Variants in ATRNL1 observed in about 807,000 individuals in gnomAD.
The protein encoded by ATRNL1 is attractin like 1, also known as attractin-like protein 1.
Under a neutral mutation model 182.7 loss-of-function variants are expected in ATRNL1, and 95 were observed. That is an observed-to-expected ratio of 0.52 (90% confidence interval 0.44 to 0.62). ATRNL1 has a LOEUF of 0.62. ATRNL1 is among the 20% of genes least tolerant of loss of function. ATRNL1 has a pLI of 0.00. For synonymous variants in ATRNL1, 576 were observed against 568.3 expected, an observed-to-expected ratio of 1.01 and a Z score of -0.19; for missense variants, 1,471 against 1,679.5, an observed-to-expected ratio of 0.88 and a Z score of 2.17.
chr10:115,198,171 C>T (rs1848432054), intron 8 of ATRNL1, among the ~76,000 whole-genome samples: 1 of 152,104 alleles, frequency 6.6e-6, no homozygotes, highest in African/African-American at 2.4e-5. Flanking sequence ...CTTGCCAACA[C>T]TTGTTATCTT....
intron 26 of ATRNL1, among the ~76,000 whole-genome samples, chr10:115,556,068 G>C (rs1036167160): frequency 1.3e-5 from 2 of 151,922 alleles, no homozygotes; most frequent in Non-Finnish European, 1.5e-5. Context: ...GCCTGAGTTT[G>C]AACAAGTTGG....
chr10:115,180,486 G>A (rs1190831801), intron 8 of ATRNL1, among the ~76,000 whole-genome samples: 3 of 151,374 alleles, frequency 2.0e-5, no homozygotes, highest in Non-Finnish European at 4.4e-5. Flanking sequence ...CTGCTTTTGA[G>A]CTTTTGGATT....
At chr10:115,927,937 C>G (rs80076306) in intron 28 of ATRNL1, among the ~76,000 whole-genome samples, 1,676 of 152,130 alleles carry the variant, frequency 0.011, 26 homozygotes, top group African/African-American at 0.034. Flanking sequence ...CTAGTCAGTA[C>G]TTGAAAAAGT....
At chr10:115,784,549 A>G (rs927264018) in intron 27 of ATRNL1, among the ~76,000 whole-genome samples, 1 of 152,206 alleles carries the variant, frequency 6.6e-6, no homozygotes, top group African/African-American at 2.4e-5. Flanking sequence ...TGGTGACTTT[A>G]AACAATAAAA....
Position 115,392,345 on chromosome 10 carries a change from C to T in ATRNL1, c.3176-2314C>T, listed in dbSNP as rs536930716. Among the ~76,000 whole-genome samples, 6 of 152,154 alleles carry T rather than the reference C, an allele frequency of 3.9e-5. No homozygotes were observed. In the South Asian group the frequency reaches 1.2e-3, roughly 32 times the overall value. ...CCTTTAAAATATATTCAGTGCAATA[C>T]ATTTTTCCCTTGATCTTGTATGAAA... On this transcript the variant is annotated intron_variant, in intron 19 of 28. Transcript: ENST00000355044.
intron 28 of ATRNL1, among the ~76,000 whole-genome samples, chr10:115,920,250 G>T (rs1236876107): frequency 1.3e-5 from 2 of 152,096 alleles, no homozygotes; most frequent in African/African-American, 4.8e-5. Flanking sequence ...TCACCTTCAC[G>T]GATATCCAGC....
intron 26 of ATRNL1, among the ~76,000 whole-genome samples, chr10:115,628,338 C>T (rs1555025331): frequency 6.6e-6 from 1 of 151,948 alleles, no homozygotes; most frequent in East Asian, 1.9e-4. Flanking sequence ...TAATGTTGAA[C>T]ATCTTTTCAT....
chr10:115,681,867 T>C (rs1555044840), intron 26 of ATRNL1, among the ~76,000 whole-genome samples: 5 of 152,318 alleles, frequency 3.3e-5, no homozygotes, highest in Admixed American at 3.3e-4. Flanking sequence ...CTGTTTTTGC[T>C]GTGTAAGGAG....
chr10:115,108,265 A>C (rs1007811590), intron 1 of ATRNL1, among the ~76,000 whole-genome samples: 1 of 152,162 alleles, frequency 6.6e-6, no homozygotes, highest in African/African-American at 2.4e-5. Context: ...CTTCCACCAG[A>C]TATCCTAGTG....
In ATRNL1 at chr10:115,462,089, T is replaced by C; in HGVS notation, c.3417+54T>C. 5.3e-6 allele frequency: 7 copies of C among 1,328,596 alleles called. No individual in the cohort carries two copies. The South Asian group carries it at 9.2e-5, about 18-fold the overall frequency. The allele number at this position is 1,328,596 out of a possible 1,614,324, so 82.3% of individuals were successfully genotyped here. A position where few individuals can be genotyped will look rare whatever the true frequency, so the allele number is the denominator to read the frequency against. On this transcript the variant is annotated intron_variant, in intron 22 of 28. Coordinates refer to ENST00000355044, the MANE Select transcript of ATRNL1 (RefSeq NM_207303.4). ...ATAATTATTGGACACAATTTTTTTT[T>C]CATATTTCATTTGATTTTACCTCTT...
At chr10:115,546,667 A>G (rs1852676167) in intron 25 of ATRNL1, among the ~76,000 whole-genome samples, 1 of 152,106 alleles carries the variant, frequency 6.6e-6, no homozygotes, top group Admixed American at 6.5e-5. Context: ...AACCTTGGCA[A>G]TATTAGCATT....
At chr10:115,826,205 T>G (rs1950427885) in intron 27 of ATRNL1, among the ~76,000 whole-genome samples, 1 of 152,144 alleles carries the variant, frequency 6.6e-6, no homozygotes, top group African/African-American at 2.4e-5. Context: ...CTATCCCATT[T>G]TTTTTTCAAA....
At chr10:115,155,275 T>G (rs1296003002) in intron 5 of ATRNL1, among the ~76,000 whole-genome samples, 1 of 152,056 alleles carries the variant, frequency 6.6e-6, no homozygotes, top group Non-Finnish European at 1.5e-5. Context: ...TCTGTGTTTT[T>G]TAAGTGGAAG....
chr10:115,762,497 A>G (rs1555073875), intron 27 of ATRNL1, among the ~76,000 whole-genome samples: 1 of 152,202 alleles, frequency 6.6e-6, no homozygotes, highest in Non-Finnish European at 1.5e-5. Context: ...ACAACACAGT[A>G]ATATAGAACT....
intron 26 of ATRNL1, among the ~76,000 whole-genome samples, chr10:115,619,231 A>G (rs1857593891): frequency 6.6e-6 from 1 of 152,050 alleles, no homozygotes; most frequent in South Asian, 2.1e-4. Flanking sequence ...TTGCCACTCT[A>G]CTGAAGGGAG....
chr10:115,345,135 G>C (rs1476456975), intron 19 of ATRNL1, among the ~76,000 whole-genome samples: 3 of 152,228 alleles, frequency 2.0e-5, no homozygotes, highest in Non-Finnish European at 4.4e-5. Flanking sequence ...GTGCCCTCCA[G>C]TTCACTGTTT....
chr10:115,734,953 A>C (rs1433231068), intron 27 of ATRNL1, among the ~76,000 whole-genome samples: 2 of 152,154 alleles, frequency 1.3e-5, no homozygotes, highest in African/African-American at 4.8e-5. Flanking sequence ...CAAACAATAT[A>C]AATCTTGCTT....
chr10:115,365,101 G>A (rs1347950848), intron 19 of ATRNL1, among the ~76,000 whole-genome samples: 1 of 150,372 alleles, frequency 6.7e-6, no homozygotes, highest in Non-Finnish European at 1.5e-5. Context: ...AATGGTACCA[G>A]TTCCTCCTTG....
intron 1 of ATRNL1, chr10:115,096,826 C>T: frequency 1.7e-6 from 2 of 1,156,620 alleles, no homozygotes; most frequent in South Asian, 1.8e-5. Context: ...ACAAGCCATT[C>T]CTTCCTTACA....
Sources: gnomAD v4.1 joint callset for allele counts (sites outside exome capture counted in the v4.1 genomes callset) on GRCh38, gnomAD v4.1.1 for gene constraint, MANE v1.5 for transcripts, NCBI Gene and HGNC (gene_info 2026-07-23, HGNC 2026-07-21) for gene names.